FANK1: variants seen among roughly 807,000 people sequenced by gnomAD.
FANK1 encodes the protein fibronectin type 3 and ankyrin repeat domains protein 1.
A neutral mutation model predicts 45.3 loss-of-function variants in FANK1; 44 were observed. That is an observed-to-expected ratio of 0.97 (90% confidence interval 0.76 to 1.25). The LOEUF is 1.25. Among genes scored for constraint, FANK1 ranks in the 50% most tolerant of loss-of-function variants. FANK1 has a pLI of 0.00. For synonymous variants in FANK1, 149 were observed against 152.5 expected (o/e 0.98, Z 0.17); for missense variants, 391 against 424.4 (o/e 0.92, Z 0.69).
At chr10:125,938,347 G>C (rs953476212) in intron 1 of FANK1, among the ~76,000 whole-genome samples, 2 of 152,174 alleles carry the variant, frequency 1.3e-5, no homozygotes, top group African/African-American at 2.4e-5. Flanking sequence ...TGATTGCCCA[G>C]TAGGAATGAG....
At chr10:125,956,776 G>A (rs555049885) in intron 1 of FANK1, among the ~76,000 whole-genome samples, 2 of 152,304 alleles carry the variant, frequency 1.3e-5, no homozygotes, top group South Asian at 4.1e-4. Context: ...AAGCCAGAAG[G>A]AAGATGATTT....
chr10:126,001,486 G>T (rs962728041), intron 6 of FANK1, among the ~76,000 whole-genome samples: 2 of 152,228 alleles, frequency 1.3e-5, no homozygotes, highest in African/African-American at 4.8e-5. Flanking sequence ...CAGGCAAGCG[G>T]AGCGGGTCCT....
At chr10:125,998,228 G>A (rs885565) in intron 6 of FANK1, among the ~76,000 whole-genome samples, 87,780 of 152,034 alleles carry the variant, frequency 0.58, 26,981 homozygotes, top group Non-Finnish European at 0.68. Flanking sequence ...CCAGGGCTTG[G>A]GCACTGTAGA....
rs181038440 is a variant in FANK1, at chr10:125,988,587, A to G, written c.228A>G (p.Glu76=). 1.2e-6 allele frequency: 2 copies of G among 1,614,174 alleles called. No individual in the cohort carries two copies. The highest frequency in any genetic ancestry group is 2.2e-5 in the East Asian group (1 of 44,872). The change falls in exon 3 of 11, where the codon GAA becomes GAG. Residue 76 remains glutamate, a synonymous_variant. Coordinates refer to ENST00000368693, the MANE Select transcript of FANK1 (RefSeq NM_145235.5). ...CGAAGCATGTTGTTGAAGGTCTGGA[A>G]CCAAGGACGCTGTACAGATTTCGCC... The part of the protein sequence containing the change: ...YATKHVVEGL[E]PRTLYRFRLK...
chr10:125,991,330 C>T (rs1445851723), intron 3 of FANK1, among the ~76,000 whole-genome samples: 1 of 150,542 alleles, frequency 6.6e-6, no homozygotes, highest in Non-Finnish European at 1.5e-5. Context: ...AGCATCACTG[C>T]CTGCAGCCAG....
At chr10:125,953,827 C>G (rs1261132441) in intron 1 of FANK1, among the ~76,000 whole-genome samples, 3 of 152,180 alleles carry the variant, frequency 2.0e-5, no homozygotes, top group African/African-American at 7.2e-5. Flanking sequence ...GCCTTTGTGT[C>G]TGTGCCTGTA....
intron 1 of FANK1, among the ~76,000 whole-genome samples, chr10:125,953,504 A>G (rs892394362): frequency 2.6e-5 from 4 of 152,138 alleles, no homozygotes; most frequent in African/African-American, 9.7e-5. Context: ...CGAGGATCCT[A>G]TAGGTGAACT....
At chr10:125,928,311 C>T (rs1232318577) in intron 1 of FANK1, among the ~76,000 whole-genome samples, 4 of 141,610 alleles carry the variant, frequency 2.8e-5, no homozygotes, top group Non-Finnish European at 6.0e-5. Context: ...TCTGATATTG[C>T]CATGGCATTT....
chr10:125,990,191 G>T (rs2134212355), intron 3 of FANK1, among the ~76,000 whole-genome samples: 1 of 152,294 alleles, frequency 6.6e-6, no homozygotes, highest in African/African-American at 2.4e-5. Context: ...TCTACCTTTT[G>T]GTCTCTCACC....
At chr10:125,943,306 C>G (rs1229337778) in intron 1 of FANK1, among the ~76,000 whole-genome samples, 1 of 151,994 alleles carries the variant, frequency 6.6e-6, no homozygotes, top group Non-Finnish European at 1.5e-5. Flanking sequence ...GTTAAAATGG[C>G]ATATTTGACC....
At chr10:125,979,805 C>G (rs145198961) in intron 1 of FANK1, 2 of 467,966 alleles carry the variant, frequency 4.3e-6, no homozygotes, top group Non-Finnish European at 8.5e-6. Flanking sequence ...GCATTTGTCT[C>G]TTGGCTTTGT....
At chr10:125,959,841 A>G (rs1166443421) in intron 1 of FANK1, among the ~76,000 whole-genome samples, 1 of 152,244 alleles carries the variant, frequency 6.6e-6, no homozygotes, top group Non-Finnish European at 1.5e-5. Flanking sequence ...TCCAGTAAAT[A>G]AAACATACAT....
intron 1 of FANK1, among the ~76,000 whole-genome samples, chr10:125,897,328 AACTT>A (rs1414066725): frequency 6.6e-6 from 1 of 152,306 alleles, no homozygotes; most frequent in Non-Finnish European, 1.5e-5. Flanking sequence ...CACGAGCTCT[AACTT>A]ACTATTTTTG....
At chr10:125,939,550 A>G (rs1481097580) in intron 1 of FANK1, among the ~76,000 whole-genome samples, 1 of 152,226 alleles carries the variant, frequency 6.6e-6, no homozygotes, top group Non-Finnish European at 1.5e-5. Flanking sequence ...CTGTAGGTAT[A>G]GAATTTTTGA....
chr10:126,004,966 C>T lies in FANK1; in HGVS notation c.622C>T (p.Leu208=), dbSNP rs146212509. 7.4e-6 allele frequency: 12 copies of T among 1,614,060 alleles called. No individual in the cohort carries two copies. In the African/African-American group the frequency reaches 1.2e-4, roughly 16 times the overall value. ...TGGCGCTTCTTGGCAGGCTAGAGAC[C>T]TGGGAGGCTGTACAGCTCTGCACTG... is the stretch of plus-strand genomic sequence containing the variant. ...RHGASWQARD[L]GGCTALHWAA... Residue 208 remains leucine, a synonymous_variant, in exon 7 of 11, where the codon CTG becomes TTG. Transcript: ENST00000368693.
intron 1 of FANK1, among the ~76,000 whole-genome samples, chr10:125,970,369 C>T (rs927647159): frequency 1.7e-4 from 26 of 152,034 alleles, no homozygotes; most frequent in Non-Finnish European, 3.2e-4. Flanking sequence ...CAGAGGCGCT[C>T]CCCACATCCC....
chr10:125,919,627 T>C (rs1381021644), intron 1 of FANK1, among the ~76,000 whole-genome samples: 1 of 152,164 alleles, frequency 6.6e-6, no homozygotes, highest in East Asian at 1.9e-4. Flanking sequence ...GTTGCTGTTA[T>C]TCTGTTGAAC....
At chr10:125,988,780 A>C (rs1316369278) in intron 3 of FANK1, 105 bp downstream of exon 3, 1 of 1,554,844 alleles carries the variant, frequency 6.4e-7, no homozygotes, top group Non-Finnish European at 8.9e-7. Flanking sequence ...CAGAAGCAGA[A>C]ATGATACAAT....
intron 3 of FANK1, among the ~76,000 whole-genome samples, chr10:125,994,197 A>G (rs1200388474): frequency 6.6e-6 from 1 of 151,626 alleles, no homozygotes; most frequent in Non-Finnish European, 1.5e-5. Context: ...GGTGAGCCCC[A>G]GGAGGCAGTG....
Sources: gnomAD v4.1 joint callset for allele counts (sites outside exome capture counted in the v4.1 genomes callset) on GRCh38, gnomAD v4.1.1 for gene constraint, MANE v1.5 for transcripts, NCBI Gene and HGNC (gene_info 2026-07-23, HGNC 2026-07-21) for gene names.